PDZD2: variants seen among roughly 807,000 people sequenced by gnomAD.
PDZD2 encodes the protein PDZ domain containing 2, also known as PDZ domain-containing protein 2.
In PDZD2, 90 loss-of-function variants were observed where a neutral mutation model predicts 220.7. The observed-to-expected ratio is 0.41, with a 90% CI of 0.34 to 0.49. The LOEUF (loss-of-function observed/expected upper bound fraction) is 0.49, where lower values mean the gene tolerates loss of function less well. Among genes scored for constraint, PDZD2 ranks in the 20% least tolerant of loss-of-function variants. The pLI is 0.28. For synonymous variants in PDZD2, 1,375 were observed against 1,450.5 expected (o/e 0.95, Z 1.18); for missense variants, 3,174 against 3,608.5 (o/e 0.88, Z 3.08).
In PDZD2 at chr5:32,089,529, G is replaced by A. The variant is rs778706614; in HGVS notation, c.6081G>A (p.Arg2027=). ...PKSPKCRAEG[R]APRADSGPVS... is the part of the protein sequence containing the mutation. The stretch of plus-strand genomic sequence containing the variant: ...CTCCTAAGTGTAGAGCAGAGGGCAG[G>A]GCGCCCCGTGCTGACTCCGGGCCGG... The change falls in exon 20 of 25, where the codon AGG becomes AGA. Residue 2027 remains arginine (R), a synonymous_variant. Coordinates refer to ENST00000438447, the MANE Select transcript of PDZD2 (RefSeq NM_178140.4). The A allele has an allele frequency of 2.5e-6, 4 of 1,612,200 alleles. No individual in the cohort carries two copies. In the South Asian group the frequency reaches 4.4e-5, roughly 18 times the overall value.
Position 31,888,118 on chromosome 5 carries a change from T to G in PDZD2, c.476+88394T>G, listed in dbSNP as rs560521233. ...CCATAGAAGCTTTGCCTGCCTGCCTTCCTTTCTTGTTTTGTTTCCTTTTCT... is the reference window on the plus strand; with the variant it reads ...CCATAGAAGCTTTGCCTGCCTGCCTGCCTTTCTTGTTTTGTTTCCTTTTCT... On this transcript the variant is annotated intron_variant, in intron 2 of 24. Transcript: ENST00000438447. Among the ~76,000 whole-genome samples, 182 of 152,208 alleles carry G rather than the reference T, an allele frequency of 1.2e-3. 2 individuals are homozygous for G. The highest frequency in any genetic ancestry group is 4.1e-3 in the African/African-American group (169 of 41,542).
rs981493604 is a variant in PDZD2 at position 32,088,206 on chromosome 5, G to A, written c.4758G>A (p.Leu1586=). 7 of 1,613,976 alleles carry A rather than the reference G, an allele frequency of 4.3e-6. No individual in the cohort carries two copies. The African/African-American group carries it at 9.3e-5, about 22-fold the overall frequency. ...CCCCTCCTCGTTCCCGTGTGTCTTTGCACAAGGAAGATCCTTCGGAGTCAG... is the reference window on the plus strand; with the variant it reads ...CCCCTCCTCGTTCCCGTGTGTCTTTACACAAGGAAGATCCTTCGGAGTCAG... The part of the protein sequence containing the change: ...GWSPPRSRVS[L]HKEDPSESEE... Residue 1586 remains leucine (L), a synonymous_variant, in exon 20 of 25, where the codon TTG becomes TTA. Transcript: ENST00000438447. This position sits in a 1 kb window ranked among gnomAD's most constrained non-coding sequence, Gnocchi z 4.6.
chr5:32,003,331 C>CCCCCCACACACA (rs764711883), intron 5 of PDZD2, among the ~76,000 whole-genome samples: 166 of 69,688 alleles, frequency 2.4e-3, no homozygotes, highest in Non-Finnish European at 2.9e-3. Flanking sequence ...ACACACACCC[C>CCCCCCACACACA]CACCACACCA....
chr5:31,683,879 A>G (rs1746746051), intron 1 of PDZD2, among the ~76,000 whole-genome samples: 1 of 152,254 alleles, frequency 6.6e-6, no homozygotes, highest in Admixed American at 6.5e-5. Flanking sequence ...TAAATTTGAT[A>G]CCCAGTGCCA....
chr5:32,050,383 A>C (rs1393490867), intron 8 of PDZD2, among the ~76,000 whole-genome samples: 1 of 152,228 alleles, frequency 6.6e-6, no homozygotes, highest in Non-Finnish European at 1.5e-5. Context: ...GGGATCGGGA[A>C]GCCCAGGCCA....
chr5:31,754,888 A>G (rs1751217268), intron 1 of PDZD2, among the ~76,000 whole-genome samples: 1 of 152,234 alleles, frequency 6.6e-6, no homozygotes, highest in Non-Finnish European at 1.5e-5. Flanking sequence ...CTCCTAGAAC[A>G]ACATTTGGTG....
intron 1 of PDZD2, among the ~76,000 whole-genome samples, chr5:31,751,703 A>C (rs1750982995): frequency 6.6e-6 from 1 of 152,106 alleles, no homozygotes; most frequent in African/African-American, 2.4e-5. Flanking sequence ...AGGACTGTGG[A>C]TCGGTAACAC....
chr5:31,651,354 C>T (rs1307249799), intron 1 of PDZD2, among the ~76,000 whole-genome samples: 1 of 152,152 alleles, frequency 6.6e-6, no homozygotes, highest in East Asian at 1.9e-4. Context: ...CTATGGTAAC[C>T]AGAACTTTGC....
chr5:32,102,811 G>A (rs138010601), intron 24 of PDZD2, among the ~76,000 whole-genome samples: 26 of 152,294 alleles, frequency 1.7e-4, no homozygotes, highest in African/African-American at 5.8e-4. Flanking sequence ...CAAGCTGGGT[G>A]TGGTAGCGCA....
chr5:32,093,702 G>A (rs1743393244), intron 21 of PDZD2, among the ~76,000 whole-genome samples: 1 of 152,194 alleles, frequency 6.6e-6, no homozygotes, highest in Admixed American at 6.5e-5. Flanking sequence ...AAGAGGCCAG[G>A]TGCAGTGGCT....
chr5:31,713,668 C>T (rs1289445541), intron 1 of PDZD2, among the ~76,000 whole-genome samples: 2 of 152,194 alleles, frequency 1.3e-5, no homozygotes, highest in Non-Finnish European at 2.9e-5. Context: ...CCTCCCTCCC[C>T]TCCTAAGTAG....
At chr5:31,783,880 A>G (rs568078339) in intron 1 of PDZD2, among the ~76,000 whole-genome samples, 9 of 151,962 alleles carry the variant, frequency 5.9e-5, no homozygotes, top group Admixed American at 1.3e-4. Flanking sequence ...TGCTTAATGG[A>G]TGAGAACCTG....
At chr5:32,072,776 G>A (rs79126092) in intron 17 of PDZD2, among the ~76,000 whole-genome samples, 1 of 152,138 alleles carries the variant, frequency 6.6e-6, no homozygotes, top group Non-Finnish European at 1.5e-5. Context: ...CAGTAAATGG[G>A]CTGGATACAC....
chr5:32,031,605 A>C (rs977118958), intron 6 of PDZD2, among the ~76,000 whole-genome samples: 1 of 152,138 alleles, frequency 6.6e-6, no homozygotes, highest in African/African-American at 2.4e-5. Context: ...GCCACTTTCC[A>C]TAGGTATGAA....
chr5:31,885,851 G>A (rs1042278719), intron 2 of PDZD2, among the ~76,000 whole-genome samples: 10 of 152,082 alleles, frequency 6.6e-5, no homozygotes, highest in African/African-American at 2.4e-4. Context: ...GAATTAGGGA[G>A]GAGATTAAGC....
At chr5:31,666,226 C>T (rs1411476966) in intron 1 of PDZD2, among the ~76,000 whole-genome samples, 1 of 152,190 alleles carries the variant, frequency 6.6e-6, no homozygotes, top group Admixed American at 6.5e-5. Context: ...GTTATCCAGC[C>T]AGCCTCAGTC....
chr5:32,099,256 T>G (rs906630669), intron 23 of PDZD2: 12 of 152,480 alleles, frequency 7.9e-5, no homozygotes, highest in Non-Finnish European at 1.5e-4. Context: ...TGCAGATGTC[T>G]GGAGTGCCGT....
rs200556276 is a variant in PDZD2, at chr5:31,678,922, TC to T, written c.-361+39491del. Among the ~76,000 whole-genome samples, 40 of 152,154 alleles carry T rather than the reference TC, an allele frequency of 2.6e-4. No individual in the cohort carries two copies. The East Asian group carries it at 5.0e-3, about 19-fold the overall frequency. On this transcript the variant is annotated intron_variant, in intron 1 of 24. Coordinates refer to ENST00000438447, the MANE Select transcript of PDZD2 (RefSeq NM_178140.4). Reference sequence around the variant, plus strand: ...ATGCCCAGCCTATATTTCTTTTTTTTCCCCCCTTTTTAATTATGTCAAAGGG... The same window carrying T: ...ATGCCCAGCCTATATTTCTTTTTTTTCCCCCTTTTTAATTATGTCAAAGGG...
At chr5:31,796,772 A>G (rs1025092942) in intron 1 of PDZD2, among the ~76,000 whole-genome samples, 1 of 152,192 alleles carries the variant, frequency 6.6e-6, no homozygotes, top group Non-Finnish European at 1.5e-5. Flanking sequence ...GACTTGATAA[A>G]TGTTCGATAA....
Sources: gnomAD v4.1 joint callset for allele counts (sites outside exome capture counted in the v4.1 genomes callset) on GRCh38, gnomAD v4.1.1 for gene constraint, Gnocchi (gnomAD v3.1) non-coding constraint, MANE v1.5 for transcripts, NCBI Gene and HGNC (gene_info 2026-07-23, HGNC 2026-07-21) for gene names.